Variants in PHF2 observed in about 807,000 individuals in gnomAD.
PHF2 encodes PHD finger protein 2.
In PHF2, 27 loss-of-function variants were observed where a neutral mutation model predicts 120.5. The observed-to-expected ratio is 0.22, with a 90% CI of 0.17 to 0.31. The LOEUF is 0.31. Ranked by LOEUF, PHF2 falls within the 10% of genes least tolerant of loss-of-function variation. The pLI is 1.00. For synonymous variants in PHF2, 568 were observed against 592.5 expected (o/e 0.96, Z 0.60); for missense variants, 1,024 against 1,434.8 (o/e 0.71, Z 4.63).
chr9:93,607,285 G>A (rs567798560), intron 1 of PHF2, among the ~76,000 whole-genome samples: 28 of 151,816 alleles, frequency 1.8e-4, no homozygotes, highest in African/African-American at 6.8e-4. Flanking sequence ...TTTTTTGTTT[G>A]TTTTGAGACA....
intron 1 of PHF2, among the ~76,000 whole-genome samples, chr9:93,611,952 CT>C (rs1221835501): frequency 6.6e-6 from 1 of 152,236 alleles, no homozygotes; most frequent in African/African-American, 2.4e-5. Flanking sequence ...AGTGTGGCCT[CT>C]CCAGAGATGG....
At chr9:93,665,424 C>G (rs565975474) in intron 14 of PHF2, among the ~76,000 whole-genome samples, 1 of 152,224 alleles carries the variant, frequency 6.6e-6, no homozygotes, top group African/African-American at 2.4e-5. Context: ...GGAGTGTCCC[C>G]TCCTGTGGGC....
intron 16 of PHF2, 51 bp downstream of exon 16, chr9:93,666,111 T>G: frequency 6.3e-7 from 1 of 1,575,470 alleles, no homozygotes; most frequent in Non-Finnish European, 8.7e-7. Flanking sequence ...CTCTGGGCAG[T>G]CCCCAAGGCC....
intron 9 of PHF2, among the ~76,000 whole-genome samples, chr9:93,657,240 T>A (rs367567468): frequency 6.6e-6 from 1 of 152,336 alleles, no homozygotes; most frequent in South Asian, 2.1e-4. Flanking sequence ...TTGCTCTTAG[T>A]TGCTCTTTTT....
rs369882604 is a variant in PHF2 at position 93,674,975 on chromosome 9, G to A, written c.2675G>A (p.Arg892Gln). ...SDEDNPIFKSRSKKRKGSDDA... is the reference protein window; with the variant it reads ...SDEDNPIFKSQSKKRKGSDDA... ...GAAGACAACCCCATCTTTAAGTCCC[G>A]GTCGAAGAAAAGGAAAGGCTCAGAC... Residue 892 changes from arginine (R) to glutamine (Q), a missense_variant, in exon 19 of 22, where the codon CGG becomes CAG. Arg to Gln is a conservative substitution (Grantham distance 43, BLOSUM62 1). Transcript: ENST00000359246. 4.3e-6 allele frequency: 7 copies of A among 1,613,756 alleles called. No individual in the cohort carries two copies. The highest frequency in any genetic ancestry group is 1.7e-5 in the Admixed American group (1 of 60,000).
rs1310320385 is a variant in PHF2, at chr9:93,679,185, G to A, written c.*1509G>A. The A allele has an allele frequency of 2.2e-6, 1 of 453,992 alleles. No individual in the cohort carries two copies. Among genetic ancestry groups the A allele is most frequent in the Non-Finnish European group, 4.4e-6 (1 of 226,462 alleles). The allele number at this position is 453,992 out of a possible 1,614,324, so 28.1% of individuals were successfully genotyped here. A position where few individuals can be genotyped will look rare whatever the true frequency, so the allele number is the denominator to read the frequency against. On this transcript the variant is annotated 3_prime_UTR_variant, in exon 22 of 22. Coordinates refer to ENST00000359246, the MANE Select transcript of PHF2 (RefSeq NM_005392.4). ...GCTTTGTTTATATACCCATTACCTG[G>A]ATGTTTTTGTCCACTGGGAGAGGCA...
chr9:93,590,281 C>T (rs117414805), intron 1 of PHF2, among the ~76,000 whole-genome samples: 238 of 152,302 alleles, frequency 1.6e-3, no homozygotes, highest in Middle Eastern at 3.4e-3. Flanking sequence ...AAATCCTTTC[C>T]TCCCTAGAGT....
chr9:93,622,776 C>A (rs1825845539), intron 1 of PHF2, among the ~76,000 whole-genome samples: 1 of 152,186 alleles, frequency 6.6e-6, no homozygotes, highest in Non-Finnish European at 1.5e-5. Context: ...TCTCTAGCCC[C>A]TCACGCCAAG....
At chr9:93,663,377 G>A (rs1826613202) in intron 13 of PHF2, 140 bp from the exon 14 acceptor site, 1 of 683,218 alleles carries the variant, frequency 1.5e-6, no homozygotes, top group Non-Finnish European at 2.6e-6. Context: ...ACCCCGCAGT[G>A]GCCCGGGTGG....
At chr9:93,626,252 CA>C (rs538869263) in intron 1 of PHF2, among the ~76,000 whole-genome samples, 1 of 151,762 alleles carries the variant, frequency 6.6e-6, no homozygotes, top group Non-Finnish European at 1.5e-5. Flanking sequence ...TCAAAAACAA[CA>C]AAAAAAATTG....
At chr9:93,650,405 C>T (rs1215052050) in intron 5 of PHF2, among the ~76,000 whole-genome samples, 1 of 152,192 alleles carries the variant, frequency 6.6e-6, no homozygotes, top group African/African-American at 2.4e-5. Flanking sequence ...GGCACAGTTA[C>T]TAACACCTGC....
At chr9:93,624,135 A>G (rs996317074) in intron 1 of PHF2, among the ~76,000 whole-genome samples, 1 of 152,266 alleles carries the variant, frequency 6.6e-6, no homozygotes, top group Non-Finnish European at 1.5e-5. Context: ...ATTGTGGTAA[A>G]TAAGGCTAAT....
At chr9:93,647,986 A>G (rs1017984450) in intron 4 of PHF2, among the ~76,000 whole-genome samples, 3 of 152,236 alleles carry the variant, frequency 2.0e-5, no homozygotes, top group African/African-American at 4.8e-5. Flanking sequence ...TCACAGTTCT[A>G]TCATCGCACT....
intron 1 of PHF2, among the ~76,000 whole-genome samples, chr9:93,623,036 A>G (rs1457932074): frequency 6.6e-6 from 1 of 152,168 alleles, no homozygotes; most frequent in Non-Finnish European, 1.5e-5. Flanking sequence ...TCTGCTCCAG[A>G]TGCTGCAGTG....
chr9:93,612,086 G>C (rs1227993645), intron 1 of PHF2, among the ~76,000 whole-genome samples: 1 of 152,186 alleles, frequency 6.6e-6, no homozygotes, highest in East Asian at 1.9e-4. Flanking sequence ...TCTGCAACTT[G>C]TGCTCTTTGC....
Position 93,677,814 on chromosome 9 carries a change from G to A in PHF2, c.*138G>A, listed in dbSNP as rs1587726812. 14 of 638,038 alleles carry A rather than the reference G, an allele frequency of 2.2e-5. No individual in the cohort carries two copies. Among genetic ancestry groups the A allele is most frequent in the South Asian group, 5.7e-5 (3 of 52,764 alleles). 39.5% of individuals were successfully genotyped at this position (638,038 alleles called of 1,614,324 possible). ...CCCGGCTGCCATCTCCCCAACAAGC[G>A]TCTGTCCCTTCAGCCGGCAGAGCGA... On this transcript the variant is annotated 3_prime_UTR_variant, in exon 22 of 22. Coordinates refer to ENST00000359246, the MANE Select transcript of PHF2 (RefSeq NM_005392.4). The surrounding 1 kb of genome is among the most constrained non-coding windows in gnomAD (Gnocchi z 4.4).
In PHF2 at chr9:93,677,116, G is replaced by A. The variant is rs59436086; in HGVS notation, c.3202+153G>A. Among the ~76,000 whole-genome samples the A allele has an allele frequency of 0.015, 2,205 of 148,534 alleles. 46 individuals are homozygous for A. The highest frequency in any genetic ancestry group is 0.049 in the African/African-American group (1,969 of 40,418). On this transcript the variant is annotated intron_variant, in intron 21 of 21. Transcript: ENST00000359246. The surrounding 1 kb of genome is among the most constrained non-coding windows in gnomAD (Gnocchi z 4.4). Reference sequence around the variant, plus strand: ...CAGGGTGCTGTGGTCCAAGTTGGTTGCATCTTTGTGTGAGCGTATCCCACA... The same window carrying A: ...CAGGGTGCTGTGGTCCAAGTTGGTTACATCTTTGTGTGAGCGTATCCCACA...
chr9:93,675,087 T>G, intron 19 of PHF2, 65 bp downstream of exon 19: 1 of 1,306,782 alleles, frequency 7.7e-7, no homozygotes, highest in Non-Finnish European at 1.1e-6. Flanking sequence ...ACTTTGTCTG[T>G]GGTCCCTCCA....
intron 1 of PHF2, among the ~76,000 whole-genome samples, chr9:93,589,921 G>C (rs1242914271): frequency 6.6e-6 from 1 of 152,166 alleles, no homozygotes; most frequent in Non-Finnish European, 1.5e-5. Flanking sequence ...GACTGCTGGG[G>C]CTCCAGCAAA....
Sources: allele counts gnomAD v4.1 joint callset (sites outside exome capture counted in the v4.1 genomes callset), GRCh38; gene constraint gnomAD v4.1.1; non-coding constraint Gnocchi (gnomAD v3.1); transcripts MANE v1.5; gene names NCBI Gene and HGNC (gene_info 2026-07-23, HGNC 2026-07-21).